ITGA4: variants seen among roughly 807,000 people sequenced by gnomAD.
The protein encoded by ITGA4 is integrin subunit alpha 4.
In ITGA4, 63 loss-of-function variants were observed where a neutral mutation model predicts 133.6. That is an observed-to-expected ratio of 0.47 (90% confidence interval 0.38 to 0.58). The LOEUF (loss-of-function observed/expected upper bound fraction) is 0.58. Among genes scored for constraint, ITGA4 ranks in the 20% least tolerant of loss-of-function variants. ITGA4 has a pLI of 0.00. For missense variants in ITGA4, 1,076 were observed against 1,252.7 expected (o/e 0.86, Z 2.13); for synonymous variants, 483 against 438.0 (o/e 1.10, Z -1.28).
chr2:181,501,941 G>T (rs780614463), intron 15 of ITGA4, among the ~76,000 whole-genome samples: 1 of 152,066 alleles, frequency 6.6e-6, no homozygotes, highest in East Asian at 1.9e-4. Flanking sequence ...ATTTAAAGCC[G>T]TATTAAGATG....
intron 17 of ITGA4, among the ~76,000 whole-genome samples, chr2:181,521,245 A>T (rs990747066): frequency 1.3e-4 from 20 of 152,140 alleles, no homozygotes; most frequent in South Asian, 6.2e-4. Flanking sequence ...ACTGTATTGG[A>T]AAGTTTTCCT....
At chr2:181,475,110 A>G (rs775276826) in intron 3 of ITGA4, 44 bp downstream of exon 3, 20 of 1,613,130 alleles carry the variant, frequency 1.2e-5, no homozygotes, top group African/African-American at 2.7e-5. Flanking sequence ...GAAATCAGCT[A>G]TCCTGGGTGC....
chr2:181,480,090 G>T, intron 5 of ITGA4, 47 bp from the exon 6 acceptor site: 2 of 1,415,470 alleles, frequency 1.4e-6, no homozygotes, highest in Non-Finnish European at 9.5e-7. Flanking sequence ...GAGGTTTGGG[G>T]TGGTGAGATT....
In ITGA4 at chr2:181,538,180, C is replaced by T. The variant is rs534779132; in HGVS notation, c.*2653C>T. ...TGTACATTTCTTTTAGAAACAATTA[C>T]ATGTTACTTTGGAATCATTTCTTCC... On this transcript the variant is annotated 3_prime_UTR_variant, in exon 28 of 28. Transcript: ENST00000397033. 25 of 1,546,566 alleles carry T rather than the reference C, an allele frequency of 1.6e-5. No homozygotes were observed. The African/African-American group carries it at 2.4e-4, about 15-fold the overall frequency.
At position 181,491,265 on chromosome 2, in the gene ITGA4, C is replaced by T. The variant is rs1387602464; in HGVS notation, c.1154-2060C>T. ...ACTGTAAGAATTACATCGCCGGGCG[C>T]GGTGGCTCACGCCTGTAATCCCAGC... On this transcript the variant is annotated intron_variant, in intron 10 of 27. Coordinates refer to ENST00000397033, the MANE Select transcript of ITGA4 (RefSeq NM_000885.6). 6.5e-4 allele frequency among the ~76,000 whole-genome samples: 4 copies of T among 6,140 alleles called. 2 individuals carry two copies. Among genetic ancestry groups the T allele is most frequent in the East Asian group, 1 (2 of 2 alleles). 4.0% of individuals were successfully genotyped at this position (6,140 alleles called of 152,430 possible). A position where few individuals can be genotyped will look rare whatever the true frequency, so the allele number is the denominator to read the frequency against.
chr2:181,480,283 C>G lies in ITGA4; in HGVS notation c.754+17C>G. 1 of 1,326,750 alleles carries G rather than the reference C, an allele frequency of 7.5e-7. No homozygotes were observed. Among genetic ancestry groups the G allele is most frequent in the Middle Eastern group, 2.7e-4 (1 of 3,654 alleles). 82.2% of individuals were successfully genotyped at this position (1,326,750 alleles called of 1,614,324 possible). ...GTTATTTAGGTACTATAAAAATTGACAAACTTAAATGATCTGTGCCTTACA... is the reference window on the plus strand; with the variant it reads ...GTTATTTAGGTACTATAAAAATTGAGAAACTTAAATGATCTGTGCCTTACA... On this transcript the variant is annotated intron_variant, in intron 6 of 27. Coordinates refer to ENST00000397033, the MANE Select transcript of ITGA4 (RefSeq NM_000885.6).
intron 17 of ITGA4, among the ~76,000 whole-genome samples, chr2:181,514,535 C>G (rs1328020112): frequency 6.6e-6 from 1 of 151,982 alleles, no homozygotes; most frequent in African/African-American, 2.4e-5. Flanking sequence ...TAGGGCAGTG[C>G]CTTTATTGAT....
At chr2:181,491,737 T>TTCTTCTCACATCCC (rs1289140968) in intron 10 of ITGA4, among the ~76,000 whole-genome samples, 7 of 152,158 alleles carry the variant, frequency 4.6e-5, no homozygotes, top group African/African-American at 9.7e-5. Context: ...TCCCCACTCC[T>TTCTTCTCACATCCC]TCTTCTCACA....
chr2:181,462,039 T>C (rs1172381873), intron 2 of ITGA4, among the ~76,000 whole-genome samples: 1 of 152,212 alleles, frequency 6.6e-6, no homozygotes, highest in Non-Finnish European at 1.5e-5. Context: ...TTATTTTTAC[T>C]TTTTTCATGT....
intron 21 of ITGA4, among the ~76,000 whole-genome samples, chr2:181,525,674 G>C (rs1250434135): frequency 1.3e-5 from 2 of 151,668 alleles, no homozygotes; most frequent in Non-Finnish European, 2.9e-5. Flanking sequence ...TGTGAACTTA[G>C]TCAAATCACT....
At chr2:181,504,726 G>C (rs1174772996) in intron 15 of ITGA4, among the ~76,000 whole-genome samples, 1 of 151,920 alleles carries the variant, frequency 6.6e-6, no homozygotes, top group African/African-American at 2.4e-5. Flanking sequence ...ATTACATAAG[G>C]CAGAAACAAT....
rs766545453 is a variant in ITGA4, at chr2:181,457,724, C to T, written c.70C>T (p.Leu24=). The change falls in exon 1 of 28, where the codon CTG becomes TTG. Residue 24 remains leucine, a synonymous_variant. Transcript: ENST00000397033. ...CGTCCGGGAGACGGTGATGCTGTTG[C>T]TGTGCCTGGGGGTCCCGACCGGCCG... ...AAVRETVMLL[L]CLGVPTGRPY... The T allele has an allele frequency of 3.1e-6, 5 of 1,612,738 alleles. No homozygotes were observed. Among genetic ancestry groups the T allele is most frequent in the African/African-American group, 2.7e-5 (2 of 74,884 alleles).
chr2:181,514,552 G>A (rs1413883996), intron 17 of ITGA4, among the ~76,000 whole-genome samples: 1 of 152,020 alleles, frequency 6.6e-6, no homozygotes, highest in Non-Finnish European at 1.5e-5. Flanking sequence ...TGATTTCTTA[G>A]TTGAATAACT....
Position 181,504,571 on chromosome 2 carries a change from G to A in ITGA4, c.1696-5087G>A, listed in dbSNP as rs114469453. 9.5e-3 allele frequency among the ~76,000 whole-genome samples: 1,445 copies of A among 152,108 alleles called. 12 individuals are homozygous for A. The highest frequency in any genetic ancestry group is 0.014 in the Non-Finnish European group (976 of 67,968). ...ACATTTCTGTGGAAAATCTAAGTGT[G>A]AGCAAACTATATCACTGTACTAATA... is the stretch of plus-strand genomic sequence containing the variant. On this transcript the variant is annotated intron_variant, in intron 15 of 27. Coordinates refer to ENST00000397033, the MANE Select transcript of ITGA4 (RefSeq NM_000885.6).
chr2:181,487,663 A>G (rs1685951023), intron 10 of ITGA4, among the ~76,000 whole-genome samples: 1 of 152,224 alleles, frequency 6.6e-6, no homozygotes, highest in South Asian at 2.1e-4. Flanking sequence ...TACATCTCAT[A>G]AGTAACCAGC....
intron 23 of ITGA4, 146 bp from the exon 24 acceptor site, chr2:181,530,378 A>C (rs979831162): frequency 1.4e-6 from 1 of 704,106 alleles, no homozygotes; most frequent in South Asian, 2.2e-5. Flanking sequence ...ATCACTCCCA[A>C]ATCTGTCAAA....
rs774055382 is a variant in ITGA4 at position 181,527,491 on chromosome 2, C to G, written c.2430+104C>G. The G allele has an allele frequency of 5.4e-6, 4 of 735,836 alleles. No individual in the cohort carries two copies. In the South Asian group the frequency reaches 6.2e-5, roughly 11 times the overall value. 45.6% of individuals were successfully genotyped at this position (735,836 alleles called of 1,614,324 possible). ...CACCTATGACGTCCTTCAGCCTCTG[C>G]AGACCACAGCTGGCTGGAATGGGGC... On this transcript the variant is annotated intron_variant, in intron 22 of 27. Transcript: ENST00000397033.
Position 181,536,748 on chromosome 2 carries a change from T to TAAAAAATTTCTTTAAATA in ITGA4, c.*1222_*1239dup, listed in dbSNP as rs1553510735. On this transcript the variant is annotated 3_prime_UTR_variant, in exon 28 of 28. Transcript: ENST00000397033. Reference sequence around the variant, plus strand: ...CTATTTTAAATGACTTTCTGGATTTTAAAAAATTTCTTTAAATACAATCAT... The same window carrying TAAAAAATTTCTTTAAATA: ...CTATTTTAAATGACTTTCTGGATTTTAAAAAATTTCTTTAAATAAAAAAATTTCTTTAAATACAATCAT... The TAAAAAATTTCTTTAAATA allele has an allele frequency of 1.2e-5, 3 of 248,612 alleles. No homozygotes were observed. The highest frequency in any genetic ancestry group is 6.9e-5 in the African/African-American group (3 of 43,604). The allele number at this position is 248,612 out of a possible 1,614,324, so 15.4% of individuals were successfully genotyped here. A position where few individuals can be genotyped will look rare whatever the true frequency, so the allele number is the denominator to read the frequency against.
At position 181,529,582 on chromosome 2, in the gene ITGA4, G is replaced by A. The variant is rs759161884; in HGVS notation, c.2472G>A (p.Val824=). The change falls in exon 23 of 28, where the codon GTG becomes GTA. Residue 824 remains valine, a synonymous_variant. Coordinates refer to ENST00000397033, the MANE Select transcript of ITGA4 (RefSeq NM_000885.6). ...TGNSMAPNVS[V]EIMVPNSFSP... The stretch of plus-strand genomic sequence containing the variant: ...ATAGTATGGCTCCCAATGTTAGTGT[G>A]GAAATAATGGTACCAAATTCTTTTA... 16 of 1,610,778 alleles carry A rather than the reference G, an allele frequency of 9.9e-6. No individual in the cohort carries two copies. Among genetic ancestry groups the A allele is most frequent in the Non-Finnish European group, 1.4e-5 (16 of 1,177,280 alleles).
Sources: allele counts gnomAD v4.1 joint callset (sites outside exome capture counted in the v4.1 genomes callset), GRCh38; gene constraint gnomAD v4.1.1; transcripts MANE v1.5; gene names NCBI Gene and HGNC (gene_info 2026-07-23, HGNC 2026-07-21).